PTK2B: variants seen among roughly 807,000 people sequenced by gnomAD.
PTK2B encodes protein tyrosine kinase 2 beta, also known as protein-tyrosine kinase 2-beta.
A neutral mutation model predicts 142.9 loss-of-function variants in PTK2B; 71 were observed. The observed-to-expected ratio is 0.50, with a 90% CI of 0.41 to 0.61. The LOEUF (loss-of-function observed/expected upper bound fraction) is 0.61, where lower values mean the gene tolerates loss of function less well. PTK2B is among the 20% of genes least tolerant of loss of function. The probability of loss-of-function intolerance (pLI) is 0.00; values close to 1 mark genes in which losing one functional copy is unlikely to be tolerated. For synonymous variants in PTK2B, 519 were observed against 503.4 expected (o/e 1.03, Z -0.42); for missense variants, 1,105 against 1,320.4 (o/e 0.84, Z 2.53).
chr8:27,430,035 G>A, intron 5 of PTK2B, 58 bp from the exon 6 acceptor site: 2 of 1,514,018 alleles, frequency 1.3e-6, no homozygotes, highest in Non-Finnish European at 1.8e-6. Flanking sequence ...AGGTGCCCTG[G>A]GTCTGACTGC....
intron 18 of PTK2B, among the ~76,000 whole-genome samples, chr8:27,438,245 G>T (rs1226242597): frequency 6.6e-6 from 1 of 152,150 alleles, no homozygotes; most frequent in Non-Finnish European, 1.5e-5. Flanking sequence ...GAAGGGACTG[G>T]GCTGGAGCAG....
chr8:27,359,796 A>T (rs1310028055), intron 1 of PTK2B, among the ~76,000 whole-genome samples: 1 of 151,958 alleles, frequency 6.6e-6, no homozygotes, highest in Non-Finnish European at 1.5e-5. Flanking sequence ...AAGCTTCTTC[A>T]TGCCCAGGGC....
intron 1 of PTK2B, among the ~76,000 whole-genome samples, chr8:27,352,680 T>A (rs1805167066): frequency 6.6e-6 from 1 of 152,230 alleles, no homozygotes; most frequent in Non-Finnish European, 1.5e-5. Context: ...TTTCCAACAC[T>A]GTTCTCATGA....
chr8:27,424,992 T>G (rs1397211581), intron 5 of PTK2B, among the ~76,000 whole-genome samples: 1 of 152,158 alleles, frequency 6.6e-6, no homozygotes, highest in Non-Finnish European at 1.5e-5. Flanking sequence ...TCTGGGCAAG[T>G]CGATTACCCG....
intron 5 of PTK2B, 57 bp downstream of exon 5, chr8:27,422,440 C>A: frequency 7.0e-7 from 1 of 1,421,712 alleles, no homozygotes; most frequent in Non-Finnish European, 9.5e-7. Context: ...TGGGCAGGCC[C>A]GACCTTTCCC....
chr8:27,458,179 C>T lies in PTK2B; in HGVS notation c.2815-115C>T, dbSNP rs538525014. 11 of 1,051,468 alleles carry T rather than the reference C, an allele frequency of 1.0e-5. No individual in the cohort carries two copies. In the South Asian group the frequency reaches 1.7e-4, roughly 16 times the overall value. The allele number at this position is 1,051,468 out of a possible 1,614,324, so 65.1% of individuals were successfully genotyped here. A position where few individuals can be genotyped will look rare whatever the true frequency, so the allele number is the denominator to read the frequency against. On this transcript the variant is annotated intron_variant, in intron 30 of 30. Transcript: ENST00000346049. ...GCCCTCTCCTAGGTCTGATTTGCTTCCAGGGAACTTCTGATTGCTTTGGCC... is the reference window on the plus strand; with the variant it reads ...GCCCTCTCCTAGGTCTGATTTGCTTTCAGGGAACTTCTGATTGCTTTGGCC...
intron 29 of PTK2B, 111 bp from the exon 30 acceptor site, chr8:27,454,420 C>T (rs1812016663): frequency 6.5e-7 from 1 of 1,548,002 alleles, no homozygotes; most frequent in East Asian, 2.3e-5. Flanking sequence ...GAATTGAGTC[C>T]CAGGCCACTC....
intron 5 of PTK2B, among the ~76,000 whole-genome samples, chr8:27,428,941 C>T (rs376593301): frequency 6.6e-5 from 10 of 152,244 alleles, no homozygotes; most frequent in South Asian, 6.2e-4. Context: ...TCTTTTGAGA[C>T]GGAGTTTCAC....
At chr8:27,334,086 C>G (rs1803917622) in intron 1 of PTK2B, among the ~76,000 whole-genome samples, 1 of 152,124 alleles carries the variant, frequency 6.6e-6, no homozygotes, top group East Asian at 1.9e-4. Flanking sequence ...CTGCTCATAT[C>G]TTGCCCATCA....
At chr8:27,381,699 T>C (rs1434698283) in intron 1 of PTK2B, among the ~76,000 whole-genome samples, 4 of 152,348 alleles carry the variant, frequency 2.6e-5, no homozygotes, top group African/African-American at 9.6e-5. Flanking sequence ...ATGGTAGTTC[T>C]AGTTCTATTT....
chr8:27,454,051 C>T lies in PTK2B; in HGVS notation c.2596-103C>T, dbSNP rs535494370. The T allele has an allele frequency of 3.4e-5, 50 of 1,464,438 alleles. No homozygotes were observed. In the Admixed American group the frequency reaches 4.0e-4, roughly 12 times the overall value. 90.7% of individuals were successfully genotyped at this position (1,464,438 alleles called of 1,614,324 possible). On this transcript the variant is annotated intron_variant, in intron 28 of 30. Coordinates refer to ENST00000346049, the MANE Select transcript of PTK2B (RefSeq NM_173176.3). ...ATTCTAAAGAAGAGTCCTTTCCAAT[C>T]GGGCTGGTGGTGGAGTTGGCCACAG... is the stretch of plus-strand genomic sequence containing the variant.
intron 1 of PTK2B, among the ~76,000 whole-genome samples, chr8:27,339,368 G>T (rs1038412981): frequency 2.6e-5 from 4 of 152,154 alleles, no homozygotes; most frequent in African/African-American, 9.7e-5. Context: ...ACCTTCTCTG[G>T]GGTGAGACAG....
At position 27,430,080 on chromosome 8, in the gene PTK2B, C is replaced by A. The variant is rs757248594; in HGVS notation, c.552-13C>A. 57 of 1,612,204 alleles carry A rather than the reference C, an allele frequency of 3.5e-5. No individual in the cohort carries two copies. Among genetic ancestry groups the A allele is most frequent in the Non-Finnish European group, 4.4e-5 (52 of 1,178,416 alleles). On this transcript the variant is annotated splice_polypyrimidine_tract_variant and intron_variant, in intron 5 of 30. Coordinates refer to ENST00000346049, the MANE Select transcript of PTK2B (RefSeq NM_173176.3). ...CAGCCTTCAGCCTCCCTCTCCACCACCTATTTCTCCAGGCGGTTCTTCAAG... is the reference window on the plus strand; with the variant it reads ...CAGCCTTCAGCCTCCCTCTCCACCAACTATTTCTCCAGGCGGTTCTTCAAG...
chr8:27,448,626 A>G (rs1469375738), intron 24 of PTK2B, among the ~76,000 whole-genome samples: 1 of 152,192 alleles, frequency 6.6e-6, no homozygotes, highest in African/African-American at 2.4e-5. Context: ...ATACTTGTAG[A>G]ATTTTCTTGA....
intron 12 of PTK2B, 21 bp downstream of exon 12, chr8:27,434,153 AG>A: frequency 3.1e-6 from 5 of 1,612,644 alleles, no homozygotes; most frequent in Non-Finnish European, 2.5e-6. Context: ...TGGGGTGCAG[AG>A]GACAGGGCCC....
At chr8:27,367,491 G>A (rs1037398198) in intron 1 of PTK2B, among the ~76,000 whole-genome samples, 2 of 152,220 alleles carry the variant, frequency 1.3e-5, no homozygotes, top group Admixed American at 6.5e-5. Context: ...CCCCCAGGAC[G>A]ATGGCCTCTC....
chr8:27,332,232 AC>A (rs1273176929), intron 1 of PTK2B, among the ~76,000 whole-genome samples: 1 of 151,786 alleles, frequency 6.6e-6, no homozygotes, highest in African/African-American at 2.4e-5. Flanking sequence ...TCACCTGTTA[AC>A]TGGGGTACAT....
chr8:27,454,743 G>A (rs1343293483), intron 30 of PTK2B, 132 bp downstream of exon 30: 6 of 935,346 alleles, frequency 6.4e-6, no homozygotes, highest in African/African-American at 1.6e-5. Context: ...TGGGTTCTAT[G>A]TGGCTTATCC....
chr8:27,436,280 G>A lies in PTK2B; in HGVS notation c.1273G>A (p.Val425Met). Residue 425 changes from valine to methionine, a missense_variant, in exon 15 of 31, where the codon GTG becomes ATG. Transcript: ENST00000346049. ...ACAGTATGGCATTGCCCGTGAAGAT[G>A]TGGTCCTGAATCGTATTCTTGGGGA... ...GPQYGIARED[V>M]VLNRILGEGF... The A allele has an allele frequency of 9.9e-6, 16 of 1,614,222 alleles. No homozygotes were observed. The highest frequency in any genetic ancestry group is 1.4e-5 in the Non-Finnish European group (16 of 1,180,046).
Sources: gnomAD v4.1 joint callset for allele counts (sites outside exome capture counted in the v4.1 genomes callset) on GRCh38, gnomAD v4.1.1 for gene constraint, MANE v1.5 for transcripts, NCBI Gene and HGNC (gene_info 2026-07-23, HGNC 2026-07-21) for gene names.